The following CDH13 variants were observed in gnomAD, a reference collection of about 807,000 sequenced individuals.
The protein encoded by CDH13 is cadherin-13.
Under a neutral mutation model 63.8 loss-of-function variants are expected in CDH13, and 24 were observed. That is an observed-to-expected ratio of 0.38 (90% confidence interval 0.27 to 0.53). The LOEUF is 0.53. Ranked by LOEUF, CDH13 falls within the 20% of genes least tolerant of loss-of-function variation. The pLI, the probability that CDH13 is intolerant of heterozygous loss-of-function variation, is 0.85. For missense variants in CDH13, 1,049 were observed against 903.1 expected (o/e 1.16, Z -2.07); for synonymous variants, 503 against 355.3 (o/e 1.42, Z -4.67).
intron 1 of CDH13, among the ~76,000 whole-genome samples, chr16:82,628,742 G>A (rs765388832): frequency 1.3e-4 from 20 of 152,096 alleles, no homozygotes; most frequent in Non-Finnish European, 2.9e-4. Context: ...GTACCCTAGA[G>A]ACCCCAAGGC....
intron 7 of CDH13, among the ~76,000 whole-genome samples, chr16:83,507,850 T>C (rs1039253546): frequency 2.2e-4 from 17 of 76,060 alleles, no homozygotes; most frequent in Non-Finnish European, 4.3e-4. Context: ...CTGGCCAACA[T>C]AGTAAAACCC....
chr16:83,412,434 C>T (rs1181064453), intron 6 of CDH13, among the ~76,000 whole-genome samples: 1 of 152,064 alleles, frequency 6.6e-6, no homozygotes, highest in Non-Finnish European at 1.5e-5. Context: ...TGCACTCCAG[C>T]CTGGGTGACT....
intron 2 of CDH13, among the ~76,000 whole-genome samples, chr16:82,889,411 C>A (rs562545363): frequency 4.6e-5 from 7 of 152,038 alleles, no homozygotes; most frequent in African/African-American, 1.7e-4. Context: ...TGACTTAAGG[C>A]AACTCGCTTT....
chr16:83,463,431 G>T (rs1269994659), intron 6 of CDH13, among the ~76,000 whole-genome samples: 1 of 152,196 alleles, frequency 6.6e-6, no homozygotes, highest in African/African-American at 2.4e-5. Flanking sequence ...TGGCCACTTT[G>T]CAGAACAGCG....
intron 11 of CDH13, among the ~76,000 whole-genome samples, chr16:83,763,743 C>T (rs1227729998): frequency 6.6e-5 from 10 of 152,144 alleles, no homozygotes; most frequent in South Asian, 2.1e-4. Flanking sequence ...GCCATCATTC[C>T]GCCTTACTTC....
chr16:82,888,989 T>G (rs34166187), intron 2 of CDH13, among the ~76,000 whole-genome samples: 2 of 151,536 alleles, frequency 1.3e-5, no homozygotes, highest in East Asian at 3.9e-4. Context: ...TTTCCTGAAC[T>G]AACAGTTTGC....
chr16:83,416,192 G>C (rs2071542483), intron 6 of CDH13, among the ~76,000 whole-genome samples: 1 of 152,132 alleles, frequency 6.6e-6, no homozygotes, highest in Non-Finnish European at 1.5e-5. Flanking sequence ...ACTTAACTAA[G>C]ACAGTGAAAG....
At chr16:83,653,330 A>G (rs1251850820) in intron 8 of CDH13, among the ~76,000 whole-genome samples, 1 of 152,240 alleles carries the variant, frequency 6.6e-6, no homozygotes, top group Non-Finnish European at 1.5e-5. Flanking sequence ...TAAAACTGTT[A>G]GCAAAGAAAA....
chr16:83,052,218 T>G (rs1049837172), intron 3 of CDH13, among the ~76,000 whole-genome samples: 2 of 152,332 alleles, frequency 1.3e-5, no homozygotes, highest in Admixed American at 1.3e-4. Context: ...TCAGAGCACC[T>G]AATGATACAT....
intron 2 of CDH13, among the ~76,000 whole-genome samples, chr16:82,887,906 G>C (rs1232653777): frequency 6.6e-6 from 1 of 152,132 alleles, no homozygotes; most frequent in African/African-American, 2.4e-5. Flanking sequence ...CCAAGGTTAA[G>C]AACGTGTTGA....
chr16:83,440,319 A>G (rs1211692081), intron 6 of CDH13, among the ~76,000 whole-genome samples: 1 of 152,214 alleles, frequency 6.6e-6, no homozygotes, highest in African/African-American at 2.4e-5. Context: ...AGGACAGATG[A>G]AGTGGCTTGT....
intron 2 of CDH13, among the ~76,000 whole-genome samples, chr16:82,860,254 C>T (rs1355240426): frequency 6.6e-6 from 1 of 152,016 alleles, no homozygotes; most frequent in Non-Finnish European, 1.5e-5. Flanking sequence ...GTGATTGCTT[C>T]TGTAATCTTC....
intron 4 of CDH13, among the ~76,000 whole-genome samples, chr16:83,191,460 T>TATATATATATATATATATATATATGC (rs1567492892): frequency 2.9e-5 from 2 of 69,532 alleles, no homozygotes; most frequent in African/African-American, 1.8e-4. Flanking sequence ...TAATAGGAAA[T>TATATATATATATATATATATATATGC]ATATATATAT....
At chr16:82,794,952 C>A (rs529547947) in intron 1 of CDH13, among the ~76,000 whole-genome samples, 1 of 152,182 alleles carries the variant, frequency 6.6e-6, no homozygotes, top group Admixed American at 6.5e-5. Context: ...TCTACGAAAA[C>A]CATTATGCTG....
intron 1 of CDH13, among the ~76,000 whole-genome samples, chr16:82,800,996 G>A (rs959240270): frequency 6.6e-6 from 1 of 152,158 alleles, no homozygotes; most frequent in African/African-American, 2.4e-5. Context: ...AAACTCAAAA[G>A]CAGCATTAAG....
At chr16:83,162,838 G>T (rs4341727) in intron 4 of CDH13, among the ~76,000 whole-genome samples, 21,668 of 152,082 alleles carry the variant, frequency 0.14, 1,724 homozygotes, top group Middle Eastern at 0.22. Context: ...GAGAAATGGT[G>T]TTATAGCTGG....
chr16:82,637,428 C>CTTTTTTT lies in CDH13; in HGVS notation c.45+10305_45+10311dup, dbSNP rs573088098. Among the ~76,000 whole-genome samples the CTTTTTTT allele has an allele frequency of 7.6e-3, 622 of 81,620 alleles. 123 individuals are homozygous for CTTTTTTT. Among genetic ancestry groups the CTTTTTTT allele is most frequent in the African/African-American group, 0.026 (494 of 19,228 alleles). The allele number at this position is 81,620 out of a possible 152,430, so 53.5% of individuals were successfully genotyped here. A position where few individuals can be genotyped will look rare whatever the true frequency, so the allele number is the denominator to read the frequency against. ...GCTGAGGTCTGTACAGTTACTGTGC[C>CTTTTTTT]TTTTTTTTTTTTTTTTTTTTGAGAC... is the stretch of plus-strand genomic sequence containing the variant. On this transcript the variant is annotated intron_variant, in intron 1 of 13. Coordinates refer to ENST00000567109, the MANE Select transcript of CDH13 (RefSeq NM_001257.5).
chr16:83,667,184 A>T (rs1473923512), intron 8 of CDH13, among the ~76,000 whole-genome samples: 1 of 152,174 alleles, frequency 6.6e-6, no homozygotes, highest in Non-Finnish European at 1.5e-5. Flanking sequence ...CCAAGGACAT[A>T]TGAGGGCCAC....
At chr16:82,949,142 T>G (rs1905043909) in intron 2 of CDH13, among the ~76,000 whole-genome samples, 1 of 152,192 alleles carries the variant, frequency 6.6e-6, no homozygotes, top group African/African-American at 2.4e-5. Context: ...AAACAGAAAC[T>G]ACTTGTCTCA....
Sources: gnomAD v4.1 joint callset for allele counts (sites outside exome capture counted in the v4.1 genomes callset) on GRCh38, gnomAD v4.1.1 for gene constraint, MANE v1.5 for transcripts, NCBI Gene and HGNC (gene_info 2026-07-23, HGNC 2026-07-21) for gene names.